The following ECD variants were observed in gnomAD, a reference collection of about 807,000 sequenced individuals.
The protein encoded by ECD is ecdysoneless cell cycle regulator.
Under a neutral mutation model 77.2 loss-of-function variants are expected in ECD, and 59 were observed. The ratio of observed to expected loss-of-function variants is 0.76; its 90% CI spans 0.62 to 0.95. The LOEUF (loss-of-function observed/expected upper bound fraction) is 0.95, where lower values mean the gene tolerates loss of function less well. Ranked by LOEUF, ECD falls within the 40% of genes least tolerant of loss-of-function variation. The pLI, the probability that ECD is intolerant of heterozygous loss-of-function variation, is 0.00. For missense variants in ECD, 704 were observed against 763.4 expected, an observed-to-expected ratio of 0.92 and a Z score of 0.92; for synonymous variants, 233 against 267.4, an observed-to-expected ratio of 0.87 and a Z score of 1.26.
intron 6 of ECD, among the ~76,000 whole-genome samples, chr10:73,153,569 T>C (rs1843245960): frequency 6.6e-6 from 1 of 150,554 alleles, no homozygotes; most frequent in South Asian, 2.1e-4. Flanking sequence ...AAACACCATC[T>C]AAAAATAAAA....
rs778614213 is a variant in ECD at position 73,139,672 on chromosome 10, T to C, written c.1193A>G (p.Glu398Gly). The C allele has an allele frequency of 6.2e-7, 1 of 1,612,974 alleles. No individual in the cohort carries two copies. The highest frequency in any genetic ancestry group is 1.7e-5 in the Admixed American group (1 of 59,814). ...TLLQTIPFDIEDLKKEAANLP... is the reference protein window; with the variant it reads ...TLLQTIPFDIGDLKKEAANLP... ...ATTAGCTGCTTCTTTCTTAAGGTCT[T>C]CTATATCAAATGGTATTGTCTGTAA... is the stretch of plus-strand genomic sequence containing the variant. Residue 398 changes from glutamate to glycine, a missense_variant, in exon 10 of 14, where the codon GAA becomes GGA. Transcript: ENST00000372979.
intron 1 of ECD, among the ~76,000 whole-genome samples, chr10:73,166,986 T>G (rs1301433799): frequency 6.6e-6 from 1 of 152,192 alleles, no homozygotes; most frequent in Non-Finnish European, 1.5e-5. Flanking sequence ...ACTTGATTTT[T>G]GTATATGGTG....
chr10:73,161,314 C>G (rs1422826218), intron 2 of ECD, among the ~76,000 whole-genome samples: 1 of 151,578 alleles, frequency 6.6e-6, no homozygotes, highest in Non-Finnish European at 1.5e-5. Flanking sequence ...AAACTATTAA[C>G]TTGATTAACC....
In ECD at chr10:73,154,462, CAT is replaced by C; in HGVS notation, c.591-16_591-15del. ...TTTTCTGGGTACCTGGGACAGGTAA[CAT>C]AATTACTTTCATTTTACAGTATATA... On this transcript the variant is annotated splice_polypyrimidine_tract_variant and intron_variant, in intron 5 of 13. Coordinates refer to ENST00000372979, the MANE Select transcript of ECD (RefSeq NM_007265.3). 1 of 1,591,936 alleles carries C rather than the reference CAT, an allele frequency of 6.3e-7. No homozygotes were observed.
intron 6 of ECD, among the ~76,000 whole-genome samples, chr10:73,154,031 T>C (rs1335814303): frequency 6.6e-6 from 1 of 152,124 alleles, no homozygotes; most frequent in African/African-American, 2.4e-5. Context: ...AAAATCCAAA[T>C]AAATCTGAAA....
chr10:73,164,296 G>A (rs111774591), intron 1 of ECD, among the ~76,000 whole-genome samples: 10,672 of 150,978 alleles, frequency 0.071, 635 homozygotes, highest in East Asian at 0.31. Context: ...AGGTTGCAAT[G>A]AGCCGAGATC....
At chr10:73,158,629 A>G (rs1365162453) in intron 3 of ECD, among the ~76,000 whole-genome samples, 1 of 151,966 alleles carries the variant, frequency 6.6e-6, no homozygotes, top group African/African-American at 2.4e-5. Flanking sequence ...CCAGCTACTC[A>G]GGAGGATGAG....
intron 5 of ECD, among the ~76,000 whole-genome samples, chr10:73,154,891 G>A (rs879461382): frequency 2.6e-4 from 39 of 151,850 alleles, no homozygotes; most frequent in South Asian, 2.3e-3. Flanking sequence ...CCGAGATCAC[G>A]CCACTGCACT....
intron 1 of ECD, among the ~76,000 whole-genome samples, chr10:73,167,190 G>T (rs1420052226): frequency 1.3e-5 from 2 of 152,116 alleles, no homozygotes; most frequent in Non-Finnish European, 2.9e-5. Context: ...ATGCTGTTTT[G>T]GTTACTATAA....
intron 9 of ECD, 131 bp downstream of exon 9, chr10:73,146,145 G>T: frequency 3.2e-6 from 1 of 313,230 alleles, no homozygotes; most frequent in Non-Finnish European, 5.1e-6. Flanking sequence ...GGCGGAGGTT[G>T]CCAGCCTGGG....
At chr10:73,146,553 A>C (rs935821406) in intron 8 of ECD, among the ~76,000 whole-genome samples, 192 bp from the exon 9 acceptor site, 6 of 152,220 alleles carry the variant, frequency 3.9e-5, no homozygotes, top group African/African-American at 1.4e-4. Flanking sequence ...GGACGCGGCT[A>C]GATGTAGTGA....
Position 73,139,847 on chromosome 10 carries a change from GTGTT to G in ECD, c.1128-114_1128-111del. ...GGGATTAGCTAGTCTAATTTGGGGA[GTGTT>G]TTTTTTTTTTTTTTTTAAGAGATGG... is the stretch of plus-strand genomic sequence containing the variant. On this transcript the variant is annotated intron_variant, in intron 9 of 13. Coordinates refer to ENST00000372979, the MANE Select transcript of ECD (RefSeq NM_007265.3). The G allele has an allele frequency of 2.2e-5, 11 of 500,490 alleles. No homozygotes were observed. The East Asian group carries it at 2.7e-4, about 12-fold the overall frequency. 31.0% of individuals were successfully genotyped at this position (500,490 alleles called of 1,614,324 possible). A position where few individuals can be genotyped will look rare whatever the true frequency, so the allele number is the denominator to read the frequency against.
At chr10:73,145,897 C>T (rs1350859243) in intron 9 of ECD, among the ~76,000 whole-genome samples, 1 of 151,968 alleles carries the variant, frequency 6.6e-6, no homozygotes, top group African/African-American at 2.4e-5. Flanking sequence ...CCTGCCTCGG[C>T]CTCCCAAAGT....
At chr10:73,137,020 T>C (rs1589677892) in intron 12 of ECD, 102 bp from the exon 13 acceptor site, 1 of 617,230 alleles carries the variant, frequency 1.6e-6, no homozygotes, top group East Asian at 4.8e-5. Context: ...AATTAGAATG[T>C]TACCCACAGA....
intron 7 of ECD, among the ~76,000 whole-genome samples, chr10:73,150,124 T>C (rs1843183721): frequency 2.0e-5 from 3 of 152,154 alleles, no homozygotes. Context: ...CTTCAAACTA[T>C]ACTGCAAGGC....
At chr10:73,145,615 G>A (rs970336320) in intron 9 of ECD, among the ~76,000 whole-genome samples, 2 of 147,036 alleles carry the variant, frequency 1.4e-5, no homozygotes, top group African/African-American at 5.0e-5. Flanking sequence ...AAATAGTTGA[G>A]TAAATTATGG....
In ECD at chr10:73,154,455, C is replaced by T. The variant is rs752166798; in HGVS notation, c.591-7G>A. Reference sequence around the variant, plus strand: ...CTGAATTTTTTCTGGGTACCTGGGACAGGTAACATAATTACTTTCATTTTA... The same window carrying T: ...CTGAATTTTTTCTGGGTACCTGGGATAGGTAACATAATTACTTTCATTTTA... On this transcript the variant is annotated splice_region_variant and splice_polypyrimidine_tract_variant and intron_variant, in intron 5 of 13. Transcript: ENST00000372979. 1 of 1,599,770 alleles carries T rather than the reference C, an allele frequency of 6.3e-7. No individual in the cohort carries two copies.
At chr10:73,160,008 G>A (rs1208939015) in intron 3 of ECD, among the ~76,000 whole-genome samples, 1 of 151,726 alleles carries the variant, frequency 6.6e-6, no homozygotes, top group Non-Finnish European at 1.5e-5. Context: ...GATATGGCTG[G>A]GCGCGGTGGC....
At chr10:73,162,641 T>C (rs1039889286) in intron 2 of ECD, among the ~76,000 whole-genome samples, 1 of 152,122 alleles carries the variant, frequency 6.6e-6, no homozygotes, top group Non-Finnish European at 1.5e-5. Context: ...GATGTATACA[T>C]GGGGGGTATA....
Sources: gnomAD v4.1 joint callset for allele counts (sites outside exome capture counted in the v4.1 genomes callset) on GRCh38, gnomAD v4.1.1 for gene constraint, MANE v1.5 for transcripts, NCBI Gene and HGNC (gene_info 2026-07-23, HGNC 2026-07-21) for gene names.